The following CRYM variants were observed in gnomAD, a reference collection of about 807,000 sequenced individuals.
CRYM encodes the protein crystallin mu, also known as ketimine reductase mu-crystallin.
CRYM carries 18 observed loss-of-function variants against 32.9 expected under a neutral mutation model. That is an observed-to-expected ratio of 0.55 (90% confidence interval 0.38 to 0.81). CRYM has a LOEUF of 0.81. CRYM is among the 30% of genes least tolerant of loss of function. The probability of loss-of-function intolerance (pLI) is 0.00; values close to 1 mark genes in which losing one functional copy is unlikely to be tolerated. For missense variants in CRYM, 337 were observed against 393.5 expected (o/e 0.86, Z 1.21); for synonymous variants, 153 against 152.4 (o/e 1.00, Z -0.03).
intron 1 of CRYM, among the ~76,000 whole-genome samples, chr16:21,298,290 G>C (rs1192271772): frequency 6.6e-6 from 1 of 152,098 alleles, no homozygotes; most frequent in Non-Finnish European, 1.5e-5. Context: ...TCTACCTTTA[G>C]GTATATACCC....
At chr16:21,300,134 T>C (rs1159359474) in intron 1 of CRYM, among the ~76,000 whole-genome samples, 1 of 152,176 alleles carries the variant, frequency 6.6e-6, no homozygotes, top group Non-Finnish European at 1.5e-5. Flanking sequence ...TAGAGTTTAA[T>C]TGCCTTGATT....
intron 5 of CRYM, among the ~76,000 whole-genome samples, chr16:21,265,842 C>A (rs2093362806): frequency 6.6e-6 from 1 of 152,214 alleles, no homozygotes; most frequent in South Asian, 2.1e-4. Context: ...TCCAGTCTTC[C>A]TGTTGGAAGG....
chr16:21,292,006 T>A (rs1372823439), intron 1 of CRYM, among the ~76,000 whole-genome samples: 1 of 152,168 alleles, frequency 6.6e-6, no homozygotes, highest in African/African-American at 2.4e-5. Flanking sequence ...AAAGCTTGAT[T>A]GGATGTCTTC....
At chr16:21,268,202 T>C (rs985745531) in intron 4 of CRYM, among the ~76,000 whole-genome samples, 1 of 152,212 alleles carries the variant, frequency 6.6e-6, no homozygotes, top group African/African-American at 2.4e-5. Flanking sequence ...ACTCACACTT[T>C]ATGTCTGAGA....
rs143939793 is a variant in CRYM, at chr16:21,297,301, T to A, written c.-193+5677A>T. On this transcript the variant is annotated intron_variant, in intron 1 of 9. Transcript: ENST00000219599. Reference sequence around the variant, plus strand: ...CCAAGCTACTCGGGAGGCTGAGGCATGACCATTGCTTGATCCGGGAGGCAG... The same window carrying A: ...CCAAGCTACTCGGGAGGCTGAGGCAAGACCATTGCTTGATCCGGGAGGCAG... Among the ~76,000 whole-genome samples, 37 of 151,988 alleles carry A rather than the reference T, an allele frequency of 2.4e-4. 1 individual carries two copies. The East Asian group carries it at 7.2e-3, about 29-fold the overall frequency.
At chr16:21,287,988 G>A (rs2093410272) in intron 1 of CRYM, among the ~76,000 whole-genome samples, 1 of 152,194 alleles carries the variant, frequency 6.6e-6, no homozygotes. Context: ...GTGCAATCTT[G>A]TGGGATTGGT....
Position 21,269,897 on chromosome 16 carries a change from T to C in CRYM, c.388-6A>G. On this transcript the variant is annotated splice_region_variant and splice_polypyrimidine_tract_variant and intron_variant, in intron 3 of 7. Coordinates refer to ENST00000572914, the MANE Select transcript of CRYM (RefSeq NM_001376256.1). The stretch of plus-strand genomic sequence containing the variant: ...CTGCTGGGAGGTTTCAGAAACTATA[T>C]GAGAGAAATGAAGTGGCAAAGGTCA... The C allele has an allele frequency of 6.2e-7, 1 of 1,606,118 alleles. No homozygotes were observed.
intron 1 of CRYM, among the ~76,000 whole-genome samples, chr16:21,289,809 T>C (rs893125444): frequency 4.0e-5 from 6 of 151,464 alleles, no homozygotes; most frequent in Admixed American, 3.3e-4. Context: ...GATTGGCCCA[T>C]TTACAGAGTG....
chr16:21,298,644 T>G (rs16971483), intron 1 of CRYM, among the ~76,000 whole-genome samples: 9,389 of 152,224 alleles, frequency 0.062, 702 homozygotes, highest in East Asian at 0.35. Flanking sequence ...TGTTAGGGAA[T>G]TGCTCAAATA....
chr16:21,288,197 T>C (rs1296753603), intron 1 of CRYM, among the ~76,000 whole-genome samples: 3 of 152,254 alleles, frequency 2.0e-5, no homozygotes, highest in Non-Finnish European at 4.4e-5. Flanking sequence ...TAAATTATTC[T>C]TTAGATGTTT....
At chr16:21,270,433 G>A (rs1389754801) in intron 3 of CRYM, among the ~76,000 whole-genome samples, 5 of 151,894 alleles carry the variant, frequency 3.3e-5, no homozygotes, top group Non-Finnish European at 2.9e-5. Context: ...ATAGGTGTGC[G>A]CCACAACACC....
intron 1 of CRYM, among the ~76,000 whole-genome samples, chr16:21,287,364 C>T (rs2093409196): frequency 6.6e-6 from 1 of 152,156 alleles, no homozygotes; most frequent in Non-Finnish European, 1.5e-5. Context: ...TGTATTTGGT[C>T]TTCATCCCTT....
At chr16:21,281,501 G>C (rs2093398130), upstream of CRYM, among the ~76,000 whole-genome samples, 1 of 152,084 alleles carries the variant, frequency 6.6e-6, no homozygotes, top group African/African-American at 2.4e-5. Flanking sequence ...AAAGTGCTGG[G>C]ATTACAGGCA....
intron 2 of CRYM, among the ~76,000 whole-genome samples, chr16:21,276,921 A>C (rs188952368): frequency 6.7e-6 from 1 of 150,072 alleles, no homozygotes; most frequent in East Asian, 1.9e-4. Flanking sequence ...AATAAATGTG[A>C]AATGTTTAGA....
chr16:21,297,483 T>C (rs931823501), intron 1 of CRYM, among the ~76,000 whole-genome samples: 2 of 152,150 alleles, frequency 1.3e-5, no homozygotes, highest in Non-Finnish European at 2.9e-5. Context: ...ATGAAAAAAA[T>C]TCCCATTAAC....
At chr16:21,272,062 CA>C (rs1232468915) in intron 3 of CRYM, among the ~76,000 whole-genome samples, 1 of 151,288 alleles carries the variant, frequency 6.6e-6, no homozygotes, top group Non-Finnish European at 1.5e-5. Flanking sequence ...GGGGTTTCGC[CA>C]TGTTGGCCAG....
At chr16:21,263,845 G>A (rs898172140) in intron 5 of CRYM, among the ~76,000 whole-genome samples, 2 of 152,230 alleles carry the variant, frequency 1.3e-5, no homozygotes, top group South Asian at 2.1e-4. Flanking sequence ...AGGCCCTTCC[G>A]AAGGGGACAG....
intron 3 of CRYM, among the ~76,000 whole-genome samples, chr16:21,271,641 G>T (rs1391781712): frequency 6.6e-6 from 1 of 152,160 alleles, no homozygotes; most frequent in Non-Finnish European, 1.5e-5. Flanking sequence ...TTATGTTGCT[G>T]TCTGATAAGG....
Position 21,269,780 on chromosome 16 carries a change from CTG to C in CRYM, c.489+8_489+9del. ...TCCCTCTTCTCTCCCACCCCCACCCCTGGACTTACCTCCTTAAAGGAGAACTG... is the reference window on the plus strand; with the variant it reads ...TCCCTCTTCTCTCCCACCCCCACCCCGACTTACCTCCTTAAAGGAGAACTG... On this transcript the variant is annotated splice_region_variant and intron_variant, in intron 4 of 7. Coordinates refer to ENST00000572914, the MANE Select transcript of CRYM (RefSeq NM_001376256.1). The C allele has an allele frequency of 1.3e-6, 2 of 1,485,784 alleles. No individual in the cohort carries two copies. The highest frequency in any genetic ancestry group is 2.3e-5 in the South Asian group (2 of 88,434). The allele number at this position is 1,485,784 out of a possible 1,614,324, so 92.0% of individuals were successfully genotyped here.
Sources: allele counts gnomAD v4.1 joint callset (sites outside exome capture counted in the v4.1 genomes callset), GRCh38; gene constraint gnomAD v4.1.1; transcripts MANE v1.5; gene names NCBI Gene and HGNC (gene_info 2026-07-23, HGNC 2026-07-21).